The following TAMM41 variants were observed in gnomAD, a reference collection of about 807,000 sequenced individuals.
TAMM41 encodes phosphatidate cytidylyltransferase, mitochondrial.
In TAMM41, 36 loss-of-function variants were observed where a neutral mutation model predicts 44.1. That is an observed-to-expected ratio of 0.82 (90% CI 0.63 to 1.08). The LOEUF is 1.08. Among genes scored for constraint, TAMM41 ranks in the 50% least tolerant of loss-of-function variants. The pLI, the probability that TAMM41 is intolerant of heterozygous loss-of-function variation, is 0.00. For missense variants in TAMM41, 417 were observed against 404.3 expected (o/e 1.03, Z -0.27); for synonymous variants, 164 against 153.1 (o/e 1.07, Z -0.53).
the TAMM41 span, among the ~76,000 whole-genome samples, chr3:11,732,187 C>T: frequency 6.6e-6 from 1 of 152,062 alleles, no homozygotes; most frequent in South Asian, 2.1e-4. Flanking sequence ...ATTCTTCTTC[C>T]TTCCTCCATG....
the TAMM41 span, among the ~76,000 whole-genome samples, chr3:11,772,064 T>A: frequency 0.19 from 28,412 of 150,260 alleles, 2,807 homozygotes; most frequent in African/African-American, 0.24. Flanking sequence ...TGTCTGTTTT[T>A]CTTTTTCTTT....
intron 7 of TAMM41, among the ~76,000 whole-genome samples, chr3:11,793,974 A>G (rs2077546442): frequency 6.6e-6 from 1 of 152,104 alleles, no homozygotes; most frequent in Non-Finnish European, 1.5e-5. Flanking sequence ...GAAAATTTAG[A>G]ATCTTTCATT....
intron 3 of TAMM41, among the ~76,000 whole-genome samples, chr3:11,831,543 C>T (rs2078982811): frequency 6.6e-6 from 1 of 152,110 alleles, no homozygotes. Flanking sequence ...ACATTTTCTA[C>T]CTATTCTAGA....
Position 11,795,419 on chromosome 3 carries a change from C to T in TAMM41, c.938-4838G>A, listed in dbSNP as rs1456084153. ...ATCCCTTTAGTCACCAAGACCCAGT[C>T]GTTCCCTTCTAAACACGGCAAATCT... On this transcript the variant is annotated intron_variant, in intron 7 of 7. Coordinates refer to ENST00000455809, the MANE Select transcript of TAMM41 (RefSeq NM_001284401.2). Among the ~76,000 whole-genome samples, 4 of 152,150 alleles carry T rather than the reference C, an allele frequency of 2.6e-5. 1 individual carries two copies. The highest frequency in any genetic ancestry group is 3.2e-3 in the Middle Eastern group (1 of 316).
At chr3:11,808,141 C>T (rs115052141) in intron 6 of TAMM41, 55,360 of 962,374 alleles carry the variant, frequency 0.058, 1,864 homozygotes, top group Non-Finnish European at 0.066. Context: ...CAGCTCTGTG[C>T]CTCTTCCCCT....
intron 3 of TAMM41, among the ~76,000 whole-genome samples, chr3:11,833,879 A>C (rs79568237): frequency 2.2e-3 from 328 of 152,320 alleles, no homozygotes; most frequent in African/African-American, 7.6e-3. Context: ...GAATATAGTA[A>C]AAATCATTGA....
At chr3:11,813,468 TGCA>T (rs919546330) in intron 5 of TAMM41, among the ~76,000 whole-genome samples, 5 of 152,120 alleles carry the variant, frequency 3.3e-5, no homozygotes, top group Non-Finnish European at 5.9e-5. Flanking sequence ...AGGCGGAGGT[TGCA>T]GTGAGCCGAG....
chr3:11,801,707 G>T (rs1384975016), intron 7 of TAMM41, among the ~76,000 whole-genome samples: 1 of 152,048 alleles, frequency 6.6e-6, no homozygotes, highest in Non-Finnish European at 1.5e-5. Flanking sequence ...TGCTAAGAGG[G>T]CATTACTAAT....
At chr3:11,729,538 C>CTTTTTTTTTTTTTTTTTTTTTTTT in the TAMM41 span, among the ~76,000 whole-genome samples, 11 of 65,538 alleles carry the variant, frequency 1.7e-4, 2 homozygotes, top group African/African-American at 4.7e-4. Context: ...TTCTTTCTTT[C>CTTTTTTTTTTTTTTTTTTTTTTTT]ATTTTTTTTT....
At chr3:11,775,569 A>C in the TAMM41 span, among the ~76,000 whole-genome samples, 1 of 151,982 alleles carries the variant, frequency 6.6e-6, no homozygotes, top group Admixed American at 6.5e-5. Flanking sequence ...GAAGTAACTT[A>C]ACTCAGATTC....
At chr3:11,765,708 T>TG in the TAMM41 span, among the ~76,000 whole-genome samples, 1 of 151,432 alleles carries the variant, frequency 6.6e-6, no homozygotes, top group East Asian at 1.9e-4. Context: ...TCAAAATTTT[T>TG]TTTTTTTTTT....
At position 11,841,048 on chromosome 3, in the gene TAMM41, A is replaced by G. The variant is rs879390458; in HGVS notation, c.319-1734T>C. On this transcript the variant is annotated intron_variant, in intron 2 of 7. Coordinates refer to ENST00000455809, the MANE Select transcript of TAMM41 (RefSeq NM_001284401.2). ...AAACTTCTTTATTCATGCTAAAAAA[A>G]GAAATTATAGTTCAGCCCATTTCTA... 3.5e-4 allele frequency among the ~76,000 whole-genome samples: 53 copies of G among 151,906 alleles called. 1 individual carries two copies. The highest frequency in any genetic ancestry group is 1.0e-3 in the African/African-American group (42 of 41,366).
chr3:11,791,693 A>C (rs1163768091), intron 7 of TAMM41, among the ~76,000 whole-genome samples: 1 of 152,122 alleles, frequency 6.6e-6, no homozygotes, highest in Non-Finnish European at 1.5e-5. Context: ...TGGCCCTGTT[A>C]CCTGTAAACT....
At position 11,817,295 on chromosome 3, in the gene TAMM41, A is replaced by C. The variant is rs765027505; in HGVS notation, c.605T>G (p.Leu202Trp). The C allele has an allele frequency of 6.2e-7, 1 of 1,612,652 alleles. No individual in the cohort carries two copies. Among genetic ancestry groups the C allele is most frequent in the Non-Finnish European group, 8.5e-7 (1 of 1,178,798 alleles). The part of the protein sequence containing the change: ...MVVGEDKTKV[L>W]NIVKPNIAHF... ...GGCTATATTGGGCTTCACAATATTC[A>C]ACACTTTTGTTTTATCTTCTCCAAC... The change falls in exon 5 of 8, where the codon TTG (leucine) becomes TGG (tryptophan). Residue 202 changes from leucine (L) to tryptophan (W), a missense_variant. Physicochemically the swap from Leu to Trp is moderately conservative, Grantham distance 61. Coordinates refer to ENST00000455809, the MANE Select transcript of TAMM41 (RefSeq NM_001284401.2).
At chr3:11,795,629 C>G (rs576706806) in intron 7 of TAMM41, among the ~76,000 whole-genome samples, 2 of 152,272 alleles carry the variant, frequency 1.3e-5, no homozygotes, top group Admixed American at 6.5e-5. Context: ...AAAAGAAACC[C>G]TGAACTCCTT....
chr3:11,746,164 G>T, the TAMM41 span, among the ~76,000 whole-genome samples: 1 of 152,138 alleles, frequency 6.6e-6, no homozygotes, highest in Non-Finnish European at 1.5e-5. Flanking sequence ...AGTCAGGAGT[G>T]GTGGTGGGCA....
At chr3:11,843,084 C>A (rs1355212365) in intron 2 of TAMM41, among the ~76,000 whole-genome samples, 1 of 152,208 alleles carries the variant, frequency 6.6e-6, no homozygotes, top group Non-Finnish European at 1.5e-5. Flanking sequence ...CGTCTCCTGG[C>A]ACCAAGAGGT....
At chr3:11,723,589 A>C in the TAMM41 span, among the ~76,000 whole-genome samples, 2 of 151,724 alleles carry the variant, frequency 1.3e-5, no homozygotes, top group South Asian at 2.1e-4. Context: ...TCAAAAAAAA[A>C]AAAAAACAAA....
At chr3:11,755,726 C>G in the TAMM41 span, among the ~76,000 whole-genome samples, 3,817 of 152,264 alleles carry the variant, frequency 0.025, 122 homozygotes, top group East Asian at 0.15. Context: ...CACAAAGGCC[C>G]TATCAGGCTC....
Sources: gnomAD v4.1 joint callset for allele counts (sites outside exome capture counted in the v4.1 genomes callset) on GRCh38, gnomAD v4.1.1 for gene constraint, MANE v1.5 for transcripts, NCBI Gene and HGNC (gene_info 2026-07-23, HGNC 2026-07-21) for gene names.